The following CHCHD6 variants were observed in gnomAD, a reference collection of about 807,000 sequenced individuals.
The protein encoded by CHCHD6 is MICOS complex subunit MIC25.
CHCHD6 carries 28 observed loss-of-function variants against 32.3 expected under a neutral mutation model. The observed-to-expected ratio is 0.87, with a 90% CI of 0.64 to 1.19. CHCHD6 has a LOEUF of 1.19. Ranked by LOEUF, CHCHD6 falls within the 50% of genes most tolerant of loss-of-function variation. The pLI is 0.00. For missense variants in CHCHD6, 333 were observed against 307.0 expected (o/e 1.08, Z -0.63); for synonymous variants, 122 against 117.5 (o/e 1.04, Z -0.25).
intron 5 of CHCHD6, among the ~76,000 whole-genome samples, chr3:126,862,466 T>C (rs1312530023): frequency 8.4e-3 from 178 of 21,284 alleles, no homozygotes; most frequent in East Asian, 0.012. Context: ...TCCTCCACCA[T>C]CACCACCTCC....
chr3:126,766,867 T>C, intron 4 of CHCHD6: 1 of 964,492 alleles, frequency 1.0e-6, no homozygotes, highest in Non-Finnish European at 1.7e-6. Flanking sequence ...GTCAAACAGC[T>C]TCACCAGGTG....
Position 126,893,074 on chromosome 3 carries a change from TTC to T in CHCHD6, c.496-21603_496-21602del, listed in dbSNP as rs376265991. Among the ~76,000 whole-genome samples the T allele has an allele frequency of 3.5e-4, 54 of 152,220 alleles. 1 individual carries two copies. In the East Asian group the frequency reaches 9.3e-3, roughly 26 times the overall value. On this transcript the variant is annotated intron_variant, in intron 5 of 7. Transcript: ENST00000290913. Reference sequence around the variant, plus strand: ...ACGTCCACCACCTGGGTTCAAGTGATTCTCCTGCCTCAGCCTCCCAAGTAGCT... The same window carrying T: ...ACGTCCACCACCTGGGTTCAAGTGATTCCTGCCTCAGCCTCCCAAGTAGCT...
intron 5 of CHCHD6, among the ~76,000 whole-genome samples, chr3:126,910,287 C>CAAAAAAAAA (rs1158847805): frequency 6.9e-6 from 1 of 145,694 alleles, no homozygotes; most frequent in Non-Finnish European, 1.5e-5. Context: ...AAAAAAAAAA[C>CAAAAAAAAA]AAAAAAAACA....
intron 4 of CHCHD6, among the ~76,000 whole-genome samples, chr3:126,842,968 A>G (rs144336498): frequency 4.9e-4 from 74 of 152,128 alleles, no homozygotes; most frequent in South Asian, 1.7e-3. Context: ...TTAATCAGAT[A>G]CTCTAAATCT....
chr3:126,766,676 T>C, intron 4 of CHCHD6: 1 of 1,074,994 alleles, frequency 9.3e-7, no homozygotes, highest in South Asian at 1.3e-5. Flanking sequence ...ACAATGATGC[T>C]GCTCTTCCCA....
chr3:126,792,618 AT>A (rs531753054), intron 4 of CHCHD6, among the ~76,000 whole-genome samples: 36 of 152,054 alleles, frequency 2.4e-4, no homozygotes, highest in Non-Finnish European at 4.9e-4. Context: ...GTCAGATAAC[AT>A]ATTTTAACAA....
chr3:126,868,276 TGAG>T, intron 5 of CHCHD6, among the ~76,000 whole-genome samples: 1 of 152,286 alleles, frequency 6.6e-6, no homozygotes, highest in Middle Eastern at 3.4e-3. Context: ...GAGCCTGGGC[TGAG>T]GTGGATGGAC....
At chr3:126,954,649 C>T (rs1445518054) in intron 6 of CHCHD6, among the ~76,000 whole-genome samples, 1 of 152,230 alleles carries the variant, frequency 6.6e-6, no homozygotes, top group Non-Finnish European at 1.5e-5. Flanking sequence ...CCCTCAGTGC[C>T]TGCTGGCCTC....
rs6790348 is a variant in CHCHD6 at position 126,767,468 on chromosome 3, A to C, written c.411+34246A>C. 2,023 of 624,584 alleles carry C rather than the reference A, an allele frequency of 3.2e-3. 31 individuals are homozygous for C. In the African/African-American group the frequency reaches 0.034, roughly 10 times the overall value. 38.7% of individuals were successfully genotyped at this position (624,584 alleles called of 1,614,324 possible). ...TTTCTCATTCCTAGATTTCCAAAGA[A>C]TCTTTCCTGACTTTTCCTCCCATGC... On this transcript the variant is annotated intron_variant, in intron 4 of 7. Coordinates refer to ENST00000290913, the MANE Select transcript of CHCHD6 (RefSeq NM_032343.3).
At chr3:126,898,515 T>G (rs957844785) in intron 5 of CHCHD6, among the ~76,000 whole-genome samples, 44 of 152,096 alleles carry the variant, frequency 2.9e-4, no homozygotes, top group African/African-American at 9.2e-4. Flanking sequence ...AATTTATTTA[T>G]TTAGTTAGTT....
At chr3:126,862,353 T>C (rs1274926419) in intron 5 of CHCHD6, among the ~76,000 whole-genome samples, 1,554 of 10,002 alleles carry the variant, frequency 0.16, no homozygotes, top group Admixed American at 0.18. Flanking sequence ...CCTCCCCCAC[T>C]ATCACCACCT....
At chr3:126,797,542 C>T (rs966959863) in intron 4 of CHCHD6, among the ~76,000 whole-genome samples, 1 of 152,122 alleles carries the variant, frequency 6.6e-6, no homozygotes, top group Non-Finnish European at 1.5e-5. Flanking sequence ...TACCGTGGGA[C>T]TTCAAGAACA....
rs77250106 is a variant in CHCHD6 at position 126,729,246 on chromosome 3, T to C, written c.197-1315T>C. On this transcript the variant is annotated intron_variant, in intron 2 of 7. Transcript: ENST00000290913. ...TTTGACAAAGTCCTAGTAATCTTAA[T>C]ATGTAGCGAGTTCTTAAAGATCTTT... is the stretch of plus-strand genomic sequence containing the variant. Among the ~76,000 whole-genome samples, 1,272 of 152,304 alleles carry C rather than the reference T, an allele frequency of 8.4e-3. 14 individuals are homozygous for C. The highest frequency in any genetic ancestry group is 0.029 in the African/African-American group (1,188 of 41,562).
At chr3:126,840,501 A>G (rs1182819562) in intron 4 of CHCHD6, among the ~76,000 whole-genome samples, 5 of 152,242 alleles carry the variant, frequency 3.3e-5, no homozygotes, top group Non-Finnish European at 7.3e-5. Context: ...ATGAAGGAAG[A>G]TAAAACACTG....
At chr3:126,881,804 A>G (rs891155774) in intron 5 of CHCHD6, among the ~76,000 whole-genome samples, 7 of 152,224 alleles carry the variant, frequency 4.6e-5, no homozygotes, top group African/African-American at 1.4e-4. Context: ...TTAATAGATA[A>G]GTGCTCTGAC....
chr3:126,812,601 T>G (rs1442005553), intron 4 of CHCHD6, among the ~76,000 whole-genome samples: 1 of 151,842 alleles, frequency 6.6e-6, no homozygotes. Context: ...ATTTTTTTTT[T>G]TTGTATTTTT....
chr3:126,736,925 G>A (rs1936068785), intron 4 of CHCHD6, among the ~76,000 whole-genome samples: 1 of 152,208 alleles, frequency 6.6e-6, no homozygotes, highest in Non-Finnish European at 1.5e-5. Flanking sequence ...CAAGTCCTGG[G>A]TGAGGCTTTA....
intron 4 of CHCHD6, among the ~76,000 whole-genome samples, chr3:126,828,876 T>C (rs1171269845): frequency 6.6e-6 from 1 of 152,210 alleles, no homozygotes; most frequent in African/African-American, 2.4e-5. Context: ...CCTTTTTGTT[T>C]TGCTCATTCT....
intron 6 of CHCHD6, among the ~76,000 whole-genome samples, chr3:126,916,846 C>T (rs1467102616): frequency 2.0e-5 from 3 of 152,254 alleles, no homozygotes; most frequent in Admixed American, 6.5e-5. Context: ...CAGGCCACAG[C>T]TCCTGCCCAT....
Sources: allele counts gnomAD v4.1 joint callset (sites outside exome capture counted in the v4.1 genomes callset), GRCh38; gene constraint gnomAD v4.1.1; transcripts MANE v1.5; gene names NCBI Gene and HGNC (gene_info 2026-07-23, HGNC 2026-07-21).